NDUFV2: variants seen among roughly 807,000 people sequenced by gnomAD.
The protein encoded by NDUFV2 is NADH:ubiquinone oxidoreductase core subunit V2.
Under a neutral mutation model 31.6 loss-of-function variants are expected in NDUFV2, and 18 were observed. The ratio of observed to expected loss-of-function variants is 0.57; its 90% confidence interval spans 0.39 to 0.84. The LOEUF is 0.84. Among genes scored for constraint, NDUFV2 ranks in the 40% least tolerant of loss-of-function variants. NDUFV2 has a pLI of 0.00. For synonymous variants in NDUFV2, 83 were observed against 99.8 expected (o/e 0.83, Z 1.01); for missense variants, 314 against 303.6 (o/e 1.03, Z -0.26).
intron 6 of NDUFV2, 98 bp from the exon 7 acceptor site, chr18:9,126,733 G>T (rs2077993878): frequency 9.2e-7 from 1 of 1,092,136 alleles, no homozygotes; most frequent in Admixed American, 1.8e-5. Context: ...CCAGGAGTTG[G>T]AGACCAGCCT....
At chr18:9,109,491 C>T (rs1267216594) in intron 1 of NDUFV2, among the ~76,000 whole-genome samples, 1 of 152,092 alleles carries the variant, frequency 6.6e-6, no homozygotes, top group African/African-American at 2.4e-5. Context: ...ATTGTTTGAA[C>T]AACAGAAGAA....
intron 1 of NDUFV2, 73 bp from the exon 2 acceptor site, chr18:9,117,765 C>T (rs2077906262): frequency 3.6e-6 from 3 of 834,710 alleles, no homozygotes; most frequent in Non-Finnish European, 6.2e-6. Context: ...AATTATGAAT[C>T]CTAAAGTATT....
rs58188667 is a variant in NDUFV2 at position 9,127,095 on chromosome 18, C to T, written c.656+188C>T. 2.6e-3 allele frequency among the ~76,000 whole-genome samples: 394 copies of T among 152,162 alleles called. 10 individuals carry two copies. In the East Asian group the frequency reaches 0.049, roughly 19 times the overall value. On this transcript the variant is annotated intron_variant, in intron 7 of 7. Transcript: ENST00000318388. ...TCTAAAACCCTGTCTGATAATCATC[C>T]GATACCTGAATATTTATAGAGAAGG...
intron 1 of NDUFV2, among the ~76,000 whole-genome samples, chr18:9,106,967 T>TC (rs2144728716): frequency 6.6e-6 from 1 of 152,280 alleles, no homozygotes; most frequent in South Asian, 2.1e-4. Context: ...CTGTGATTGA[T>TC]GACATTGGGC....
intron 4 of NDUFV2, among the ~76,000 whole-genome samples, chr18:9,120,584 C>T (rs1018111536): frequency 6.6e-6 from 1 of 152,120 alleles, no homozygotes; most frequent in African/African-American, 2.4e-5. Context: ...GGAATGTCCT[C>T]AATTTATCTA....
At chr18:9,123,821 T>C (rs369292815) in intron 5 of NDUFV2, among the ~76,000 whole-genome samples, 2 of 152,222 alleles carry the variant, frequency 1.3e-5, no homozygotes, top group Non-Finnish European at 2.9e-5. Flanking sequence ...AACAGTTACT[T>C]TGATGTACAC....
intron 7 of NDUFV2, among the ~76,000 whole-genome samples, chr18:9,128,077 A>G (rs2078007339): frequency 6.6e-6 from 1 of 152,092 alleles, no homozygotes; most frequent in Non-Finnish European, 1.5e-5. Context: ...CTCTCTTAAT[A>G]CTAGCAAATG....
At chr18:9,110,902 T>C (rs902257882) in intron 1 of NDUFV2, among the ~76,000 whole-genome samples, 1 of 152,190 alleles carries the variant, frequency 6.6e-6, no homozygotes, top group Non-Finnish European at 1.5e-5. Context: ...TCAAATGTTA[T>C]GCTAGTGTGT....
At chr18:9,121,364 T>C (rs1394464456) in intron 4 of NDUFV2, 1 of 152,190 alleles carries the variant, frequency 6.6e-6, no homozygotes, top group Non-Finnish European at 1.5e-5. Flanking sequence ...AGTCAGAGCC[T>C]CATTCCAGAT....
intron 7 of NDUFV2, among the ~76,000 whole-genome samples, chr18:9,132,743 C>T (rs1033942521): frequency 2.0e-5 from 3 of 152,130 alleles, no homozygotes; most frequent in Non-Finnish European, 4.4e-5. Flanking sequence ...GGCATGGTGA[C>T]GCACACCTGT....
chr18:9,124,612 C>G (rs1407762328), intron 5 of NDUFV2, among the ~76,000 whole-genome samples: 1 of 151,794 alleles, frequency 6.6e-6, no homozygotes, highest in Non-Finnish European at 1.5e-5. Context: ...CCACACCTGG[C>G]TAATTTTTTG....
intron 4 of NDUFV2, among the ~76,000 whole-genome samples, chr18:9,120,279 A>G (rs1211213860): frequency 6.6e-6 from 1 of 152,202 alleles, no homozygotes; most frequent in Non-Finnish European, 1.5e-5. Flanking sequence ...GATGAGAATC[A>G]CATAACCATT....
At chr18:9,127,026 G>C in intron 7 of NDUFV2, 119 bp downstream of exon 7, 1 of 827,862 alleles carries the variant, frequency 1.2e-6, no homozygotes, top group Non-Finnish European at 2.1e-6. Context: ...GCTTTGGATA[G>C]TATTATCTAT....
At chr18:9,119,293 G>T in intron 2 of NDUFV2, 33 bp from the exon 3 acceptor site, 1 of 1,513,494 alleles carries the variant, frequency 6.6e-7, no homozygotes, top group Non-Finnish European at 9.2e-7. Flanking sequence ...GAGAGAATTT[G>T]GATAAGTCTG....
intron 5 of NDUFV2, 73 bp from the exon 6 acceptor site, chr18:9,124,801 C>CT (rs35039643): frequency 0.014 from 17,581 of 1,213,306 alleles, 12 homozygotes; most frequent in Middle Eastern, 0.024. Flanking sequence ...TATAAAAATT[C>CT]TTTTTTTTTT....
intron 1 of NDUFV2, among the ~76,000 whole-genome samples, chr18:9,114,775 G>A (rs978217240): frequency 9.9e-5 from 15 of 152,126 alleles, no homozygotes; most frequent in African/African-American, 3.6e-4. Flanking sequence ...TGTCTTCAAC[G>A]ATTTGGACTT....
At position 9,109,880 on chromosome 18, in the gene NDUFV2, T is replaced by C. The variant is rs186227047; in HGVS notation, c.54+7083T>C. Among the ~76,000 whole-genome samples the C allele has an allele frequency of 2.6e-3, 390 of 152,330 alleles. 2 individuals are homozygous for C. The highest frequency in any genetic ancestry group is 0.024 in the Middle Eastern group (7 of 294). On this transcript the variant is annotated intron_variant, in intron 1 of 7. Coordinates refer to ENST00000318388, the MANE Select transcript of NDUFV2 (RefSeq NM_021074.5). ...ACTGTTTTGGCCTGCTTAAATCTTT[T>C]CTTTTCCTTCTGAAACACTGAAAAA...
chr18:9,121,270 A>G (rs1401133939), intron 4 of NDUFV2: 1 of 152,156 alleles, frequency 6.6e-6, no homozygotes, highest in Non-Finnish European at 1.5e-5. Flanking sequence ...AAATATCCAG[A>G]AGCTTAATAA....
At chr18:9,109,099 C>T (rs1360289935) in intron 1 of NDUFV2, among the ~76,000 whole-genome samples, 1 of 152,132 alleles carries the variant, frequency 6.6e-6, no homozygotes, top group Non-Finnish European at 1.5e-5. Flanking sequence ...ATAGGGGAGG[C>T]TGTAGGTAAC....
Sources: allele counts gnomAD v4.1 joint callset (sites outside exome capture counted in the v4.1 genomes callset), GRCh38; gene constraint gnomAD v4.1.1; transcripts MANE v1.5; gene names NCBI Gene and HGNC (gene_info 2026-07-23, HGNC 2026-07-21).